The following DACH2 variants were observed in gnomAD, a reference collection of about 807,000 sequenced individuals.
DACH2 encodes the protein dachshund homolog 2.
A neutral mutation model predicts 35.8 loss-of-function variants in DACH2; 17 were observed. The observed-to-expected ratio is 0.48, with a 90% CI of 0.33 to 0.71. DACH2 has a LOEUF of 0.71. DACH2 is among the 30% of genes least tolerant of loss of function. The probability of loss-of-function intolerance (pLI) is 0.02; values close to 1 mark genes in which losing one functional copy is unlikely to be tolerated. For missense variants in DACH2, 469 were observed against 472.7 expected, an observed-to-expected ratio of 0.99 and a Z score of 0.07; for synonymous variants, 195 against 177.3, an observed-to-expected ratio of 1.10 and a Z score of -0.79.
intron 2 of DACH2, among the ~76,000 whole-genome samples, chrX:86,441,530 TC>T (rs1334747061): frequency 1.8e-5 from 2 of 108,836 alleles, no homozygotes; most frequent in Non-Finnish European, 3.8e-5. Flanking sequence ...CACCACATTT[TC>T]TTTATCCATT....
chrX:86,467,864 AC>A (rs763959506), intron 2 of DACH2, among the ~76,000 whole-genome samples: 5 of 111,276 alleles, frequency 4.5e-5, no homozygotes, highest in African/African-American at 1.6e-4. Context: ...TTCTTGTAAA[AC>A]CGTCAGATCT....
intron 1 of DACH2, among the ~76,000 whole-genome samples, chrX:86,279,954 G>C (rs748552328): frequency 1.8e-5 from 2 of 109,619 alleles, no homozygotes; most frequent in South Asian, 7.9e-4. Context: ...GGAAGTATTT[G>C]AAAAGACCAA....
chrX:86,217,087 C>T (rs1320783962), intron 1 of DACH2, among the ~76,000 whole-genome samples: 4 of 45,769 alleles, frequency 8.7e-5, no homozygotes, highest in Non-Finnish European at 1.1e-4. Context: ...GAGACTCCAT[C>T]TCAAAAATAA....
intron 1 of DACH2, among the ~76,000 whole-genome samples, chrX:86,297,618 G>T (rs764861723): frequency 8.9e-6 from 1 of 112,081 alleles, no homozygotes; most frequent in East Asian, 2.8e-4. Context: ...GGCTAAGTGT[G>T]TTAAATTGGT....
chrX:86,236,371 C>G (rs1169008269), intron 1 of DACH2, among the ~76,000 whole-genome samples: 1 of 112,049 alleles, frequency 8.9e-6, no homozygotes, highest in Non-Finnish European at 1.9e-5. Flanking sequence ...AATAAAATAA[C>G]TCTGAAGCTG....
At chrX:86,488,700 A>T (rs989330854) in intron 2 of DACH2, among the ~76,000 whole-genome samples, 1 of 111,610 alleles carries the variant, frequency 9.0e-6, no homozygotes, top group African/African-American at 3.3e-5. Flanking sequence ...CATGTATTGA[A>T]GCATCACCTT....
intron 3 of DACH2, among the ~76,000 whole-genome samples, chrX:86,605,238 A>G (rs183679981): frequency 3.6e-5 from 4 of 111,582 alleles, no homozygotes; most frequent in Admixed American, 2.9e-4. Flanking sequence ...GTTTACATGC[A>G]AACTCCTGTC....
intron 3 of DACH2, among the ~76,000 whole-genome samples, chrX:86,646,634 A>G (rs950071254): frequency 9.1e-6 from 1 of 110,236 alleles, no homozygotes; most frequent in Non-Finnish European, 1.9e-5. Context: ...AAAGAAAGCA[A>G]TCAACAGAGT....
At chrX:86,253,753 C>T (rs1323795129) in intron 1 of DACH2, among the ~76,000 whole-genome samples, 1 of 111,429 alleles carries the variant, frequency 9.0e-6, no homozygotes, top group African/African-American at 3.2e-5. Flanking sequence ...ATTTTGAAAA[C>T]CAGGAAACTC....
chrX:86,197,097 T>C (rs2032011876), intron 1 of DACH2, among the ~76,000 whole-genome samples: 1 of 111,937 alleles, frequency 8.9e-6, no homozygotes, highest in Non-Finnish European at 1.9e-5. Flanking sequence ...AGAGATTGGT[T>C]GCCAATATTC....
chrX:86,455,751 T>C (rs767848840), intron 2 of DACH2, among the ~76,000 whole-genome samples: 4 of 112,328 alleles, frequency 3.6e-5, no homozygotes, highest in Admixed American at 9.4e-5. Flanking sequence ...TGGCTGGAAT[T>C]CCAAGCCAGC....
intron 1 of DACH2, among the ~76,000 whole-genome samples, chrX:86,239,426 A>G (rs1228325427): frequency 8.9e-6 from 1 of 111,915 alleles, no homozygotes; most frequent in African/African-American, 3.2e-5. Context: ...CCTATTACTG[A>G]CCTATATCTA....
chrX:86,276,522 GC>G (rs1399438280), intron 1 of DACH2, among the ~76,000 whole-genome samples: 1 of 111,554 alleles, frequency 9.0e-6, no homozygotes, highest in Non-Finnish European at 1.9e-5. Flanking sequence ...CTGTGTGGAA[GC>G]TTTTTAACTG....
At chrX:86,736,809 C>T (rs981324414) in intron 6 of DACH2, among the ~76,000 whole-genome samples, 1 of 111,489 alleles carries the variant, frequency 9.0e-6, no homozygotes, top group East Asian at 2.8e-4. Flanking sequence ...TATTTTTTCA[C>T]AATAACTGCT....
chrX:86,242,925 G>A (rs1020736618), intron 1 of DACH2, among the ~76,000 whole-genome samples: 8 of 111,176 alleles, frequency 7.2e-5, no homozygotes, highest in South Asian at 3.9e-4. Flanking sequence ...GTTTTCTGAG[G>A]CCTCATAGCC....
In DACH2 at chrX:86,199,925, C is replaced by T. The variant is rs764938411; in HGVS notation, c.488+50817C>T. ...CTCTTAAACTACCAATGACATTTTT[C>T]ACAAAACTAGAAAAAAACTATTTTA... On this transcript the variant is annotated intron_variant, in intron 1 of 11. Coordinates refer to ENST00000373125, the MANE Select transcript of DACH2 (RefSeq NM_053281.3). 3.6e-5 allele frequency among the ~76,000 whole-genome samples: 4 copies of T among 112,034 alleles called. No individual in the cohort carries two copies. In the South Asian group the frequency reaches 1.5e-3, roughly 41 times the overall value.
chrX:86,690,597 T>C (rs771392770), intron 4 of DACH2, among the ~76,000 whole-genome samples: 1 of 111,732 alleles, frequency 8.9e-6, no homozygotes, highest in Non-Finnish European at 1.9e-5. Context: ...CTGGGAACCC[T>C]AACATTTTAA....
intron 3 of DACH2, among the ~76,000 whole-genome samples, chrX:86,565,173 A>T (rs936161544): frequency 8.9e-6 from 1 of 111,872 alleles, no homozygotes; most frequent in South Asian, 3.7e-4. Flanking sequence ...AGATAAATTC[A>T]TCTGCCTGCA....
chrX:86,701,842 C>G (rs1230318740), intron 5 of DACH2, among the ~76,000 whole-genome samples: 7 of 111,039 alleles, frequency 6.3e-5, no homozygotes, highest in Admixed American at 9.6e-5. Flanking sequence ...AAGAGGAAAA[C>G]AACAGACACT....
Sources: gnomAD v4.1 joint callset for allele counts (sites outside exome capture counted in the v4.1 genomes callset) on GRCh38, gnomAD v4.1.1 for gene constraint, MANE v1.5 for transcripts, NCBI Gene and HGNC (gene_info 2026-07-23, HGNC 2026-07-21) for gene names.